DNM3: variants seen among roughly 807,000 people sequenced by gnomAD.
DNM3 encodes the protein dynamin-3.
In DNM3, 47 loss-of-function variants were observed where a neutral mutation model predicts 101.6. The observed-to-expected ratio is 0.46, with a 90% CI of 0.37 to 0.59. The LOEUF is 0.59. Ranked by LOEUF, DNM3 falls within the 20% of genes least tolerant of loss-of-function variation. DNM3 has a pLI of 0.00. For missense variants in DNM3, 849 were observed against 1,085.7 expected (o/e 0.78, Z 3.06); for synonymous variants, 385 against 387.9 (o/e 0.99, Z 0.09).
chr1:172,261,415 G>A (rs2062641716), intron 15 of DNM3, among the ~76,000 whole-genome samples: 1 of 152,198 alleles, frequency 6.6e-6, no homozygotes, highest in Non-Finnish European at 1.5e-5. Context: ...GACTACCTTG[G>A]TGGCTTAGAA....
intron 13 of DNM3, among the ~76,000 whole-genome samples, chr1:172,116,020 G>A (rs189492333): frequency 1.3e-4 from 20 of 152,148 alleles, no homozygotes; most frequent in African/African-American, 4.6e-4. Context: ...TCTATTCAAC[G>A]GATGGATGGA....
At chr1:171,848,666 C>A (rs2032526318) in intron 1 of DNM3, among the ~76,000 whole-genome samples, 1 of 152,152 alleles carries the variant, frequency 6.6e-6, no homozygotes, top group South Asian at 2.1e-4. Flanking sequence ...AGCAAATCTG[C>A]ATCCTTCAGT....
intron 14 of DNM3, among the ~76,000 whole-genome samples, chr1:172,163,656 C>T (rs2058634975): frequency 6.6e-6 from 1 of 151,960 alleles, no homozygotes; most frequent in South Asian, 2.1e-4. Flanking sequence ...CACCCCCAGG[C>T]CTCTGGCAAC....
At chr1:172,271,545 A>G (rs552412516) in intron 15 of DNM3, among the ~76,000 whole-genome samples, 1 of 152,226 alleles carries the variant, frequency 6.6e-6, no homozygotes, top group Admixed American at 6.5e-5. Flanking sequence ...GTTGAAATCA[A>G]TGATGAAAAC....
intron 17 of DNM3, among the ~76,000 whole-genome samples, chr1:172,348,991 A>C (rs1187854775): frequency 6.6e-6 from 1 of 152,150 alleles, no homozygotes; most frequent in Non-Finnish European, 1.5e-5. Flanking sequence ...TGTAATTTAT[A>C]TTACCTAAGG....
At chr1:172,239,842 A>G (rs1453471947) in intron 14 of DNM3, among the ~76,000 whole-genome samples, 1 of 104,308 alleles carries the variant, frequency 9.6e-6, no homozygotes, top group Non-Finnish European at 1.8e-5. Context: ...GCTAGGAGGC[A>G]TGATTAGGAT....
In DNM3 at chr1:172,411,302, A is replaced by G. The variant is rs955829873; in HGVS notation, c.*3461A>G. Reference sequence around the variant, plus strand: ...ATTGTAGTCATTTTGAGAGGTACAAAGCTCATAATTACCATGACAACATGG... The same window carrying G: ...ATTGTAGTCATTTTGAGAGGTACAAGGCTCATAATTACCATGACAACATGG... On this transcript the variant is annotated 3_prime_UTR_variant, in exon 21 of 21. Transcript: ENST00000627582. The G allele has an allele frequency of 9.9e-5, 98 of 985,158 alleles. No individual in the cohort carries two copies. In the Admixed American group the frequency reaches 1.2e-3, roughly 12 times the overall value. The allele number at this position is 985,158 out of a possible 1,614,324, so 61.0% of individuals were successfully genotyped here.
In DNM3 at chr1:172,351,600, T is replaced by C. The variant is rs148887468; in HGVS notation, c.1894-27418T>C. 3.8e-4 allele frequency among the ~76,000 whole-genome samples: 58 copies of C among 152,296 alleles called. 1 individual carries two copies. In the East Asian group the frequency reaches 9.1e-3, roughly 24 times the overall value. On this transcript the variant is annotated intron_variant, in intron 17 of 20. Coordinates refer to ENST00000627582, the MANE Select transcript of DNM3 (RefSeq NM_015569.5). The stretch of plus-strand genomic sequence containing the variant: ...TCAGGTCTCAGCTTAGCAGTTTTTA[T>C]GTGTTTTCAGGAAAATAAGTTTGGA...
chr1:171,932,740 G>A (rs1252104893), intron 2 of DNM3, among the ~76,000 whole-genome samples: 1 of 151,832 alleles, frequency 6.6e-6, no homozygotes, highest in Non-Finnish European at 1.5e-5. Context: ...TTATTCTCTT[G>A]GGTATTTTAG....
At chr1:172,157,706 A>G (rs888784319) in intron 14 of DNM3, among the ~76,000 whole-genome samples, 1 of 152,080 alleles carries the variant, frequency 6.6e-6, no homozygotes, top group African/African-American at 2.4e-5. Context: ...TTTACACTGC[A>G]TTAGGTATTA....
chr1:172,313,580 G>T (rs190509720), intron 16 of DNM3, among the ~76,000 whole-genome samples: 1 of 152,054 alleles, frequency 6.6e-6, no homozygotes. Flanking sequence ...CTCACAGTTG[G>T]ATCCTGAGCC....
chr1:171,842,844 G>A (rs771836495), intron 1 of DNM3, among the ~76,000 whole-genome samples: 7 of 152,208 alleles, frequency 4.6e-5, no homozygotes, highest in Non-Finnish European at 8.8e-5. Flanking sequence ...TAATGGCCTT[G>A]CCTGAAGAGT....
At chr1:172,003,282 C>G (rs142705070) in intron 4 of DNM3, among the ~76,000 whole-genome samples, 119 of 152,068 alleles carry the variant, frequency 7.8e-4, no homozygotes, top group Middle Eastern at 3.4e-3. Flanking sequence ...GTTTCCTATG[C>G]AATTACATCT....
intron 14 of DNM3, among the ~76,000 whole-genome samples, chr1:172,164,361 A>T (rs2058672928): frequency 6.6e-6 from 1 of 151,754 alleles, no homozygotes. Flanking sequence ...AGGATCAGAA[A>T]TACCCAAGTC....
At chr1:172,368,128 A>C (rs757959829) in intron 17 of DNM3, among the ~76,000 whole-genome samples, 1 of 151,918 alleles carries the variant, frequency 6.6e-6, no homozygotes, top group Non-Finnish European at 1.5e-5. Flanking sequence ...AAATGACCCT[A>C]ACAGACATTT....
intron 2 of DNM3, among the ~76,000 whole-genome samples, chr1:171,941,286 G>A (rs2041795287): frequency 6.6e-6 from 1 of 152,078 alleles, no homozygotes; most frequent in South Asian, 2.1e-4. Flanking sequence ...ACAAATACAT[G>A]GTGGATTTAG....
chr1:171,905,632 A>AAC (rs2038759480), intron 1 of DNM3, among the ~76,000 whole-genome samples: 1 of 152,142 alleles, frequency 6.6e-6, no homozygotes, highest in African/African-American at 2.4e-5. Flanking sequence ...TTCATGTAAG[A>AAC]CTAGATTTAG....
intron 2 of DNM3, among the ~76,000 whole-genome samples, chr1:171,960,538 G>T (rs1378472566): frequency 1.3e-5 from 2 of 152,172 alleles, no homozygotes; most frequent in Admixed American, 6.5e-5. Flanking sequence ...GATCTTGAAG[G>T]CTCTGCCATC....
intron 1 of DNM3, among the ~76,000 whole-genome samples, chr1:171,872,438 A>G (rs2035380964): frequency 6.6e-6 from 1 of 152,076 alleles, no homozygotes; most frequent in African/African-American, 2.4e-5. Context: ...CATATACTTT[A>G]CTGGATCTCC....
Sources: allele counts gnomAD v4.1 joint callset (sites outside exome capture counted in the v4.1 genomes callset), GRCh38; gene constraint gnomAD v4.1.1; transcripts MANE v1.5; gene names NCBI Gene and HGNC (gene_info 2026-07-23, HGNC 2026-07-21).